Variants in MDGA2 observed in about 807,000 individuals in gnomAD.
The protein encoded by MDGA2 is MAM domain-containing glycosylphosphatidylinositol anchor protein 2.
In MDGA2, 40 loss-of-function variants were observed where a neutral mutation model predicts 117.8. The ratio of observed to expected loss-of-function variants is 0.34; its 90% CI spans 0.26 to 0.44. MDGA2 has a LOEUF of 0.44. Ranked by LOEUF, MDGA2 falls within the 20% of genes least tolerant of loss-of-function variation. The pLI is 1.00. For missense variants in MDGA2, 1,123 were observed against 1,250.6 expected, an observed-to-expected ratio of 0.90 and a Z score of 1.54; for synonymous variants, 452 against 439.0, an observed-to-expected ratio of 1.03 and a Z score of -0.37.
chr14:47,183,626 T>G (rs1169403903), intron 3 of MDGA2, among the ~76,000 whole-genome samples: 3 of 152,068 alleles, frequency 2.0e-5, no homozygotes, highest in Non-Finnish European at 4.4e-5. Flanking sequence ...GCAACAATAA[T>G]TATAATAGCA....
At chr14:46,960,002 T>A (rs539262188) in intron 8 of MDGA2, among the ~76,000 whole-genome samples, 20 of 152,112 alleles carry the variant, frequency 1.3e-4, no homozygotes, top group African/African-American at 4.8e-4. Flanking sequence ...GGAGGGCGGA[T>A]CACGAGGTCA....
intron 3 of MDGA2, among the ~76,000 whole-genome samples, chr14:47,188,021 T>A (rs1215726514): frequency 6.6e-6 from 1 of 152,020 alleles, no homozygotes; most frequent in Non-Finnish European, 1.5e-5. Context: ...GTAAAAATAG[T>A]CTAAAGGAAA....
intron 2 of MDGA2, among the ~76,000 whole-genome samples, chr14:47,232,398 TA>T (rs1886722172): frequency 6.6e-6 from 1 of 152,080 alleles, no homozygotes; most frequent in South Asian, 2.1e-4. Flanking sequence ...TTCTGTATGT[TA>T]TTCTTGCAGG....
intron 1 of MDGA2, among the ~76,000 whole-genome samples, chr14:47,498,776 C>T (rs1400120719): frequency 2.0e-5 from 3 of 152,012 alleles, no homozygotes; most frequent in Non-Finnish European, 4.4e-5. Flanking sequence ...AATTCTTGCA[C>T]TGAAAAGGAA....
intron 9 of MDGA2, among the ~76,000 whole-genome samples, chr14:46,955,263 T>C (rs780459830): frequency 2.5e-4 from 38 of 152,016 alleles, no homozygotes; most frequent in Non-Finnish European, 4.4e-4. Context: ...CTTATTCTAA[T>C]AAATCAATAT....
At chr14:47,362,691 T>C (rs1252274176) in intron 1 of MDGA2, among the ~76,000 whole-genome samples, 1 of 152,122 alleles carries the variant, frequency 6.6e-6, no homozygotes, top group Non-Finnish European at 1.5e-5. Flanking sequence ...TATTTCATCA[T>C]ATTTAACACA....
intron 3 of MDGA2, among the ~76,000 whole-genome samples, chr14:47,187,741 A>G (rs1488239533): frequency 1.3e-5 from 2 of 152,134 alleles, no homozygotes; most frequent in East Asian, 3.9e-4. Context: ...TAAAGATACC[A>G]TTAAAGTTTT....
chr14:47,059,359 C>A (rs1889799220), intron 7 of MDGA2: 6 of 1,251,422 alleles, frequency 4.8e-6, no homozygotes, highest in South Asian at 3.8e-5. Context: ...CAATATATTT[C>A]TTTTATCTCC....
chr14:47,464,813 A>G (rs1158786246), intron 1 of MDGA2, among the ~76,000 whole-genome samples: 3 of 152,186 alleles, frequency 2.0e-5, no homozygotes, highest in Non-Finnish European at 4.4e-5. Flanking sequence ...TCTTCACAGA[A>G]CTAGAAAAAC....
At chr14:47,043,809 T>C (rs1357510310) in intron 7 of MDGA2, among the ~76,000 whole-genome samples, 1 of 152,118 alleles carries the variant, frequency 6.6e-6, no homozygotes, top group Non-Finnish European at 1.5e-5. Flanking sequence ...CCTTCCTTTC[T>C]TCTCTTCAGG....
chr14:47,306,210 G>A (rs2275505), intron 1 of MDGA2: 22,222 of 152,164 alleles, frequency 0.15, 1,944 homozygotes, highest in South Asian at 0.27. Context: ...ACAATTAACT[G>A]AATCTGAGGG....
At chr14:47,372,193 G>A (rs1463101169) in intron 1 of MDGA2, among the ~76,000 whole-genome samples, 3 of 151,492 alleles carry the variant, frequency 2.0e-5, no homozygotes, top group African/African-American at 2.4e-5. Context: ...CCAGCAGGCA[G>A]AAAAAGTGTT....
intron 1 of MDGA2, among the ~76,000 whole-genome samples, chr14:47,619,320 T>C (rs1897007741): frequency 1.3e-5 from 2 of 152,156 alleles, no homozygotes; most frequent in Non-Finnish European, 2.9e-5. Context: ...GTACTCTTTA[T>C]GGTACAGTAG....
chr14:47,320,473 G>T (rs765435977), intron 1 of MDGA2, among the ~76,000 whole-genome samples: 3 of 152,132 alleles, frequency 2.0e-5, no homozygotes, highest in African/African-American at 7.2e-5. Flanking sequence ...AAACCTGTAG[G>T]TGAGTAGGAA....
intron 10 of MDGA2, among the ~76,000 whole-genome samples, chr14:46,903,609 A>G (rs1595033976): frequency 6.6e-6 from 1 of 152,130 alleles, no homozygotes; most frequent in Non-Finnish European, 1.5e-5. Flanking sequence ...ATAATTAATT[A>G]TTATACCTCT....
chr14:47,054,122 C>T lies in MDGA2; in HGVS notation c.1525+7127G>A, dbSNP rs576284629. Among the ~76,000 whole-genome samples, 2 of 152,016 alleles carry T rather than the reference C, an allele frequency of 1.3e-5. 1 individual carries two copies. Among genetic ancestry groups the T allele is most frequent in the African/African-American group, 4.8e-5 (2 of 41,494 alleles). On this transcript the variant is annotated intron_variant, in intron 7 of 16. Transcript: ENST00000399232. ...TACTACCCAGCACCTTATCTGATTCCTATCTATCTGTCCAACTGAATAAAT... is the reference window on the plus strand; with the variant it reads ...TACTACCCAGCACCTTATCTGATTCTTATCTATCTGTCCAACTGAATAAAT...
intron 3 of MDGA2, among the ~76,000 whole-genome samples, chr14:47,216,957 AT>A (rs1391340845): frequency 2.0e-5 from 3 of 152,020 alleles, no homozygotes; most frequent in Non-Finnish European, 4.4e-5. Flanking sequence ...ACTGGAGAGG[AT>A]GAAACAAGGA....
intron 4 of MDGA2, among the ~76,000 whole-genome samples, chr14:47,137,982 T>C (rs1882538758): frequency 2.0e-5 from 3 of 152,130 alleles, no homozygotes; most frequent in South Asian, 2.1e-4. Context: ...ATGAAGTCTG[T>C]TAATGGAATA....
intron 1 of MDGA2, among the ~76,000 whole-genome samples, chr14:47,640,021 G>A (rs1432762891): frequency 6.6e-6 from 1 of 152,162 alleles, no homozygotes; most frequent in Non-Finnish European, 1.5e-5. Flanking sequence ...TCAAGTAAAT[G>A]TGTAACTCTA....
Sources: gnomAD v4.1 joint callset for allele counts (sites outside exome capture counted in the v4.1 genomes callset) on GRCh38, gnomAD v4.1.1 for gene constraint, MANE v1.5 for transcripts, NCBI Gene and HGNC (gene_info 2026-07-23, HGNC 2026-07-21) for gene names.